PPWD1: variants seen among roughly 807,000 people sequenced by gnomAD.
PPWD1 encodes peptidylprolyl isomerase domain and WD repeat containing 1, also known as peptidylprolyl isomerase domain and WD repeat-containing protein 1.
A neutral mutation model predicts 68.8 loss-of-function variants in PPWD1; 43 were observed. The ratio of observed to expected loss-of-function variants is 0.62; its 90% CI spans 0.49 to 0.81. The LOEUF is 0.81. Among genes scored for constraint, PPWD1 ranks in the 30% least tolerant of loss-of-function variants. The pLI is 0.00. For synonymous variants in PPWD1, 232 were observed against 258.7 expected, an observed-to-expected ratio of 0.90 and a Z score of 0.99; for missense variants, 672 against 804.8, an observed-to-expected ratio of 0.83 and a Z score of 2.00.
intron 1 of PPWD1, chr5:65,563,861 C>A (rs767774108): frequency 6.8e-7 from 1 of 1,463,936 alleles, no homozygotes; most frequent in South Asian, 1.2e-5. Context: ...GGTACCAGTT[C>A]TCTTTAAGGC....
intron 1 of PPWD1, among the ~76,000 whole-genome samples, chr5:65,567,271 C>T (rs1308037715): frequency 2.0e-5 from 3 of 151,740 alleles, no homozygotes; most frequent in Non-Finnish European, 2.9e-5. Context: ...GGACAGTTAG[C>T]ATGTATATAG....
intron 6 of PPWD1, 60 bp from the exon 7 acceptor site, chr5:65,579,364 T>C: frequency 2.1e-6 from 3 of 1,398,300 alleles, no homozygotes; most frequent in Non-Finnish European, 2.8e-6. Context: ...ATCTGTAAAG[T>C]TGTCATAATT....
At chr5:65,565,807 C>CAAAAAAAAAAAAAAAAAAACAAAAAAAA in intron 1 of PPWD1, among the ~76,000 whole-genome samples, 1 of 103,376 alleles carries the variant, frequency 9.7e-6, no homozygotes, top group Non-Finnish European at 2.0e-5. Context: ...GACTCCGTCT[C>CAAAAAAAAAAAAAAAAAAACAAAAAAAA]AAAAAAAAAA....
At chr5:65,579,645 ATG>A in intron 7 of PPWD1, 32 bp downstream of exon 7, 1 of 1,378,708 alleles carries the variant, frequency 7.3e-7, no homozygotes, top group Non-Finnish European at 9.5e-7. Context: ...TTAGACGGTA[ATG>A]TTCCTTCCAG....
rs1490358593 is a variant in PPWD1, at chr5:65,567,171, A to AT, written c.197-334dup. Among the ~76,000 whole-genome samples, 3 of 151,282 alleles carry AT rather than the reference A, an allele frequency of 2.0e-5. No individual in the cohort carries two copies. The East Asian group carries it at 5.8e-4, about 29-fold the overall frequency. ...TGTGATATTTTCATGGAACTTTTTA[A>AT]TTTTTTTTCCTTTTTCTTTCTTTTT... On this transcript the variant is annotated intron_variant, in intron 1 of 10. Coordinates refer to ENST00000261308, the MANE Select transcript of PPWD1 (RefSeq NM_015342.4).
At chr5:65,586,944 T>C (rs1467859045) in intron 10 of PPWD1, among the ~76,000 whole-genome samples, 1 of 152,170 alleles carries the variant, frequency 6.6e-6, no homozygotes, top group East Asian at 1.9e-4. Flanking sequence ...AGAGACCTTT[T>C]AAAGCCTTAG....
Position 65,579,501 on chromosome 5 carries a change from A to G in PPWD1, c.1238A>G (p.His413Arg). ...LALFQGIAKK[H>R]RAATTIEMKA... ...TTGTTCCAGGGGATAGCCAAAAAGC[A>G]TCGTGCTGCAACTACTATAGAAATG... The change falls in exon 7 of 11, where the codon CAT becomes CGT. Residue 413 changes from histidine to arginine, a missense_variant. By Grantham distance (29) the His-to-Arg change is conservative (BLOSUM62 0). Transcript: ENST00000261308. 6.2e-7 allele frequency: 1 copy of G among 1,610,478 alleles called. No homozygotes were observed. The highest frequency in any genetic ancestry group is 1.1e-5 in the South Asian group (1 of 90,110).
At chr5:65,576,502 G>A (rs1164070107) in intron 5 of PPWD1, 4 of 290,772 alleles carry the variant, frequency 1.4e-5, no homozygotes, top group African/African-American at 2.3e-5. Flanking sequence ...CCAGCCTCCC[G>A]AGTAGCTGGG....
chr5:65,583,684 C>T (rs1301021206), intron 8 of PPWD1, among the ~76,000 whole-genome samples: 1 of 152,198 alleles, frequency 6.6e-6, no homozygotes, highest in African/African-American at 2.4e-5. Flanking sequence ...TGCAGTGGCA[C>T]GCACTTGTAA....
chr5:65,585,246 T>C (rs771562541), intron 9 of PPWD1, 151 bp downstream of exon 9: 13 of 720,716 alleles, frequency 1.8e-5, no homozygotes, highest in African/African-American at 3.6e-5. Flanking sequence ...GAGGAGTGGA[T>C]GGTCATAAAT....
intron 6 of PPWD1, 25 bp downstream of exon 6, chr5:65,577,094 T>G: frequency 6.3e-7 from 1 of 1,589,562 alleles, no homozygotes; most frequent in Non-Finnish European, 8.6e-7. Flanking sequence ...GAGGTATGTT[T>G]TTTAAAAATG....
At chr5:65,578,966 T>C (rs1753465651) in intron 6 of PPWD1, among the ~76,000 whole-genome samples, 4 of 152,178 alleles carry the variant, frequency 2.6e-5, no homozygotes, top group Admixed American at 2.6e-4. Context: ...TCACCCAGGC[T>C]GGAGAGCAGT....
intron 1 of PPWD1, 104 bp downstream of exon 1, chr5:65,563,610 T>A: frequency 6.9e-7 from 1 of 1,440,598 alleles, no homozygotes; most frequent in Non-Finnish European, 9.3e-7. Context: ...TTTTGTGCCC[T>A]CAGAACAGAG....
intron 9 of PPWD1, 109 bp downstream of exon 9, chr5:65,585,204 G>A: frequency 8.9e-7 from 1 of 1,119,438 alleles, no homozygotes; most frequent in Non-Finnish European, 1.3e-6. Flanking sequence ...TTAGTGGAAA[G>A]GAACAGGAAA....
chr5:65,569,079 G>T (rs1334536090), intron 2 of PPWD1: 2 of 453,600 alleles, frequency 4.4e-6, no homozygotes, highest in Non-Finnish European at 8.8e-6. Context: ...ATTAACTAAG[G>T]TAATATGTAC....
chr5:65,570,261 A>G (rs749590751), intron 4 of PPWD1: 222 of 918,166 alleles, frequency 2.4e-4, no homozygotes, highest in Non-Finnish European at 2.8e-4. Context: ...ACTTAGTAAT[A>G]TTACTGGAGC....
chr5:65,581,825 ATTC>A lies in PPWD1; in HGVS notation c.1351-1210_1351-1208del, dbSNP rs141783054. Among the ~76,000 whole-genome samples, 290 of 152,274 alleles carry A rather than the reference ATTC, an allele frequency of 1.9e-3. 3 individuals are homozygous for A. Among genetic ancestry groups the A allele is most frequent in the African/African-American group, 6.8e-3 (283 of 41,548 alleles). On this transcript the variant is annotated intron_variant, in intron 7 of 10. Transcript: ENST00000261308. ...TTTTCTTTGAGTCTTACTAGTACAT[ATTC>A]TTAAGCAAAACTAAAATGGTATGCA...
intron 1 of PPWD1, 189 bp from the exon 2 acceptor site, chr5:65,567,324 C>A: frequency 3.6e-6 from 2 of 548,200 alleles, no homozygotes; most frequent in Non-Finnish European, 4.6e-6. Flanking sequence ...TGACGCTATT[C>A]AGTGCTCTGA....
At chr5:65,566,398 G>A (rs780902302) in intron 1 of PPWD1, among the ~76,000 whole-genome samples, 2 of 152,174 alleles carry the variant, frequency 1.3e-5, no homozygotes, top group Non-Finnish European at 2.9e-5. Context: ...CAAGCTATAG[G>A]ATTGAGGAAA....
Sources: allele counts gnomAD v4.1 joint callset (sites outside exome capture counted in the v4.1 genomes callset), GRCh38; gene constraint gnomAD v4.1.1; transcripts MANE v1.5; gene names NCBI Gene and HGNC (gene_info 2026-07-23, HGNC 2026-07-21).